Variants in PPFIBP2 observed in about 807,000 individuals in gnomAD.
PPFIBP2 encodes the protein PPFIB scaffold protein 2.
In PPFIBP2, 118 loss-of-function variants were observed where a neutral mutation model predicts 118.3. The observed-to-expected ratio is 1.00, with a 90% confidence interval of 0.86 to 1.16. The LOEUF (loss-of-function observed/expected upper bound fraction) is 1.16, where lower values mean the gene tolerates loss of function less well. Ranked by LOEUF, PPFIBP2 falls within the 50% of genes most tolerant of loss-of-function variation. The pLI is 0.00. For synonymous variants in PPFIBP2, 414 were observed against 397.4 expected (o/e 1.04, Z -0.50); for missense variants, 1,195 against 1,073.1 (o/e 1.11, Z -1.59).
chr11:7,634,469 A>C (rs747837546), intron 12 of PPFIBP2, 26 bp from the exon 13 acceptor site: 2 of 1,567,620 alleles, frequency 1.3e-6, no homozygotes, highest in South Asian at 2.2e-5. Context: ...TCTCATAACT[A>C]TTTCTTTCTT....
In PPFIBP2 at chr11:7,606,886, A is replaced by ATTTTTTTTTT. The variant is rs529585905; in HGVS notation, c.487-3372_487-3363dup. On this transcript the variant is annotated intron_variant, in intron 5 of 23. Coordinates refer to ENST00000299492, the MANE Select transcript of PPFIBP2 (RefSeq NM_003621.5). Reference sequence around the variant, plus strand: ...CTGATCAGAAGACAAAACTGCATGAATTTTTTTTTTTTTTTTTTTTTTTTT... The same window carrying ATTTTTTTTTT: ...CTGATCAGAAGACAAAACTGCATGAATTTTTTTTTTTTTTTTTTTTTTTTTTTTTTTTTTT... Among the ~76,000 whole-genome samples, 90 of 51,440 alleles carry ATTTTTTTTTT rather than the reference A, an allele frequency of 1.7e-3. 24 individuals are homozygous for ATTTTTTTTTT. The highest frequency in any genetic ancestry group is 3.6e-3 in the South Asian group (5 of 1,388). The allele number at this position is 51,440 out of a possible 152,430, so 33.7% of individuals were successfully genotyped here. A position where few individuals can be genotyped will look rare whatever the true frequency, so the allele number is the denominator to read the frequency against.
chr11:7,549,291 G>A, intron 1 of PPFIBP2, 149 bp from the exon 2 acceptor site: 1 of 694,306 alleles, frequency 1.4e-6, no homozygotes, highest in Non-Finnish European at 2.5e-6. Context: ...AGAGGGAAAA[G>A]GCCATGGAGA....
chr11:7,662,322 A>G, the PPFIBP2 span, among the ~76,000 whole-genome samples: 3 of 151,954 alleles, frequency 2.0e-5, no homozygotes, highest in Non-Finnish European at 4.4e-5. Context: ...TTCCTTCAGG[A>G]GCTCTTTTAG....
chr11:7,563,595 G>A (rs1171679405), intron 2 of PPFIBP2, among the ~76,000 whole-genome samples: 3 of 152,206 alleles, frequency 2.0e-5, no homozygotes, highest in African/African-American at 7.2e-5. Flanking sequence ...GGAATTGGAT[G>A]TCAGGCCTGC....
In PPFIBP2 at chr11:7,642,318, GA is replaced by G; in HGVS notation, c.1541del (p.Asn514IlefsTer63). The G allele has an allele frequency of 6.2e-7, 1 of 1,614,112 alleles. No individual in the cohort carries two copies. The highest frequency in any genetic ancestry group is 8.5e-7 in the Non-Finnish European group (1 of 1,180,002). ...FWGKIRRTQS[G>X]NFYTDTLGMA... Reference sequence around the variant, plus strand: ...TGCAGAATCCGAAGAACTCAGTCAGGAAATTTCTACACTGACACGCTGGGGA... The same window carrying G: ...TGCAGAATCCGAAGAACTCAGTCAGGAATTTCTACACTGACACGCTGGGGA... On this transcript the variant is annotated frameshift_variant, in exon 17 of 24. Transcript: ENST00000299492. LOFTEE classifies it high-confidence loss of function.
At chr11:7,610,481 T>A (rs1847934222) in intron 6 of PPFIBP2, 59 bp downstream of exon 6, 1 of 1,587,994 alleles carries the variant, frequency 6.3e-7, no homozygotes, top group South Asian at 1.1e-5. Context: ...ATAATGTGAA[T>A]TTAGGCCATC....
At chr11:7,614,920 C>G (rs1004765683) in intron 6 of PPFIBP2, among the ~76,000 whole-genome samples, 5 of 152,100 alleles carry the variant, frequency 3.3e-5, no homozygotes, top group Admixed American at 3.3e-4. Context: ...GCAATTATAA[C>G]CTCATAAATG....
chr11:7,656,392 A>C (rs189693504), downstream of PPFIBP2, among the ~76,000 whole-genome samples: 20 of 152,330 alleles, frequency 1.3e-4, no homozygotes, highest in East Asian at 7.7e-4. Flanking sequence ...ACAAAACAGG[A>C]AAGTCTCCCT....
intron 17 of PPFIBP2, 78 bp from the exon 18 acceptor site, chr11:7,648,309 T>G: frequency 2.1e-6 from 3 of 1,461,714 alleles, no homozygotes; most frequent in Non-Finnish European, 2.8e-6. Context: ...TTTCTTTTCT[T>G]TTGTTTGTGA....
chr11:7,600,991 A>G (rs1861323433), intron 5 of PPFIBP2, among the ~76,000 whole-genome samples: 1 of 152,184 alleles, frequency 6.6e-6, no homozygotes, highest in Non-Finnish European at 1.5e-5. Context: ...GGCCCCTTCT[A>G]CAGGCTGGAA....
At chr11:7,538,508 C>T (rs1424904831) in intron 1 of PPFIBP2, among the ~76,000 whole-genome samples, 4 of 152,082 alleles carry the variant, frequency 2.6e-5, no homozygotes, top group Non-Finnish European at 4.4e-5. Context: ...GAGAAGGGCT[C>T]GAGCTTTTTG....
chr11:7,531,780 T>C (rs1850712298), intron 1 of PPFIBP2, among the ~76,000 whole-genome samples: 1 of 152,186 alleles, frequency 6.6e-6, no homozygotes, highest in Non-Finnish European at 1.5e-5. Context: ...GATCAGGGTG[T>C]TGGCAGGGTT....
downstream of PPFIBP2, chr11:7,656,753 G>A (rs1199090746): frequency 1.6e-6 from 2 of 1,289,834 alleles, no homozygotes; most frequent in Non-Finnish European, 2.0e-6. Flanking sequence ...ACCAGCTGCT[G>A]AATGACTCTC....
intron 6 of PPFIBP2, among the ~76,000 whole-genome samples, chr11:7,618,343 A>G (rs761948591): frequency 2.6e-5 from 4 of 152,246 alleles, no homozygotes; most frequent in Admixed American, 1.3e-4. Context: ...TTGGTAGTCA[A>G]TGATGGACAA....
At chr11:7,632,074 G>C (rs1850835303) in intron 11 of PPFIBP2, among the ~76,000 whole-genome samples, 2 of 152,322 alleles carry the variant, frequency 1.3e-5, no homozygotes, top group Admixed American at 6.5e-5. Flanking sequence ...CACTGCTGAA[G>C]GCACAGTGTT....
downstream of PPFIBP2, among the ~76,000 whole-genome samples, chr11:7,657,926 G>A (rs1190438974): frequency 6.6e-6 from 1 of 152,206 alleles, no homozygotes. Flanking sequence ...TCCTCCAGTT[G>A]CCAAGGAGAT....
At chr11:7,664,809 C>T in the PPFIBP2 span, among the ~76,000 whole-genome samples, 1 of 151,160 alleles carries the variant, frequency 6.6e-6, no homozygotes, top group Admixed American at 6.6e-5. Context: ...CTGTCCCTCC[C>T]CCCCACCCCG....
intron 1 of PPFIBP2, among the ~76,000 whole-genome samples, chr11:7,542,274 C>T (rs1851868964): frequency 1.3e-5 from 2 of 152,194 alleles, no homozygotes; most frequent in Non-Finnish European, 2.9e-5. Context: ...TGGATAAACC[C>T]TTAGCAAATA....
At chr11:7,549,914 C>G (rs78867384) in intron 2 of PPFIBP2, among the ~76,000 whole-genome samples, 1 of 152,122 alleles carries the variant, frequency 6.6e-6, no homozygotes, top group Non-Finnish European at 1.5e-5. Context: ...ACTTTGCCAC[C>G]TAATGCAGGT....
Sources: allele counts gnomAD v4.1 joint callset (sites outside exome capture counted in the v4.1 genomes callset), GRCh38; gene constraint gnomAD v4.1.1; transcripts MANE v1.5; gene names NCBI Gene and HGNC (gene_info 2026-07-23, HGNC 2026-07-21).